The following NFKBIA variants were observed in gnomAD, a reference collection of about 807,000 sequenced individuals.
The protein encoded by NFKBIA is NF-kappa-B inhibitor alpha.
Under a neutral mutation model 36.3 loss-of-function variants are expected in NFKBIA, and 10 were observed. The observed-to-expected ratio is 0.28, with a 90% CI of 0.17 to 0.47. The LOEUF (loss-of-function observed/expected upper bound fraction) is 0.47, where lower values mean the gene tolerates loss of function less well. NFKBIA is among the 20% of genes least tolerant of loss of function. The probability of loss-of-function intolerance (pLI) is 0.99; values close to 1 mark genes in which losing one functional copy is unlikely to be tolerated. For synonymous variants in NFKBIA, 205 were observed against 164.4 expected (o/e 1.25, Z -1.89); for missense variants, 355 against 399.3 (o/e 0.89, Z 0.94).
intron 2 of NFKBIA, 102 bp downstream of exon 2, chr14:35,403,588 A>C: frequency 1.1e-6 from 1 of 892,298 alleles, no homozygotes; most frequent in Non-Finnish European, 1.8e-6. Flanking sequence ...GTGAGGGTAA[A>C]TAGTGCTCAG....
chr14:35,402,953 A>T, intron 3 of NFKBIA, 94 bp from the exon 4 acceptor site: 1 of 1,366,080 alleles, frequency 7.3e-7, no homozygotes, highest in Admixed American at 1.9e-5. Flanking sequence ...TATCTTCTGA[A>T]TTTTAAGAAC....
In NFKBIA at chr14:35,401,983, C is replaced by CAA; in HGVS notation, c.*28_*29dup. 1.9e-6 allele frequency: 3 copies of CAA among 1,611,044 alleles called. No homozygotes were observed. Among genetic ancestry groups the CAA allele is most frequent in the African/African-American group, 1.3e-5 (1 of 74,770 alleles). ...AAAACTTTTTTTTTGTACAAATATA[C>CAA]AAGTCCATGTTCTTTCAGCCCCTTT... On this transcript the variant is annotated 3_prime_UTR_variant, in exon 6 of 6. Coordinates refer to ENST00000216797, the MANE Select transcript of NFKBIA (RefSeq NM_020529.3).
Position 35,403,932 on chromosome 14 carries a change from T to C in NFKBIA, c.228-134A>G, listed in dbSNP as rs1019586508. 6 of 717,364 alleles carry C rather than the reference T, an allele frequency of 8.4e-6. No homozygotes were observed. The African/African-American group carries it at 8.7e-5, about 10-fold the overall frequency. 44.4% of individuals were successfully genotyped at this position (717,364 alleles called of 1,614,324 possible). A position where few individuals can be genotyped will look rare whatever the true frequency, so the allele number is the denominator to read the frequency against. ...GGCCGCGGTGTTTTCCGCGAGGTTA[T>C]TATGAGCTGAGTGTTCCTGGCAGGC... On this transcript the variant is annotated intron_variant, in intron 1 of 5. Transcript: ENST00000216797.
rs376391850 is a variant in NFKBIA, at chr14:35,402,086, G to A, written c.907-26C>T. The A allele has an allele frequency of 1.4e-4, 223 of 1,613,964 alleles. No homozygotes were observed. The African/African-American group carries it at 2.2e-3, about 16-fold the overall frequency. ...CTGAAAACAAGGGGAAAAAAGACACGTTAAGCTTCCGGAGCGGAGCTCTGC... is the reference window on the plus strand; with the variant it reads ...CTGAAAACAAGGGGAAAAAAGACACATTAAGCTTCCGGAGCGGAGCTCTGC... On this transcript the variant is annotated intron_variant, in intron 5 of 5. Coordinates refer to ENST00000216797, the MANE Select transcript of NFKBIA (RefSeq NM_020529.3).
chr14:35,403,190 G>C lies in NFKBIA; in HGVS notation c.507C>G (p.Thr169=), dbSNP rs1306738260. 1.2e-6 allele frequency: 2 copies of C among 1,612,322 alleles called. No homozygotes were observed. The highest frequency in any genetic ancestry group is 2.2e-5 in the South Asian group (2 of 91,000). ...SVGVLTQSCT[T]PHLHSILKAT... is the part of the protein sequence containing the mutation. Reference sequence around the variant, plus strand: ...CCTTCAGGATGGAGTGGAGGTGCGGGGTGGTGCAGGACTGAGTCAGGACTC... The same window carrying C: ...CCTTCAGGATGGAGTGGAGGTGCGGCGTGGTGCAGGACTGAGTCAGGACTC... Residue 169 remains threonine, a synonymous_variant, in exon 3 of 6, where the codon ACC becomes ACG. Coordinates refer to ENST00000216797, the MANE Select transcript of NFKBIA (RefSeq NM_020529.3).
Position 35,401,932 on chromosome 14 carries a change from C to T in NFKBIA, c.*81G>A, listed in dbSNP as rs112369437. 4 of 1,294,522 alleles carry T rather than the reference C, an allele frequency of 3.1e-6. No homozygotes were observed. The highest frequency in any genetic ancestry group is 1.5e-5 in the African/African-American group (1 of 66,998). The allele number at this position is 1,294,522 out of a possible 1,614,324, so 80.2% of individuals were successfully genotyped here. A position where few individuals can be genotyped will look rare whatever the true frequency, so the allele number is the denominator to read the frequency against. ...TATAAGTACACCCTTTAAATTTTTT[C>T]TTCTTTTTTCTTTTTTTAGAAAAAT... On this transcript the variant is annotated 3_prime_UTR_variant, in exon 6 of 6. Transcript: ENST00000216797.
rs756930611 is a variant in NFKBIA at position 35,403,363 on chromosome 14, A to G, written c.337-3T>C. ...ATCACAGCCAAGTGGAGTGGAGTCT[A>G]CGAATGCAAGAGAGACCAGAGAAAG... is the stretch of plus-strand genomic sequence containing the variant. On this transcript the variant is annotated splice_polypyrimidine_tract_variant and splice_region_variant and intron_variant, in intron 2 of 5. Coordinates refer to ENST00000216797, the MANE Select transcript of NFKBIA (RefSeq NM_020529.3). The G allele has an allele frequency of 4.2e-5, 68 of 1,613,804 alleles. No individual in the cohort carries two copies. Among genetic ancestry groups the G allele is most frequent in the Admixed American group, 6.7e-5 (4 of 60,006 alleles).
intron 1 of NFKBIA, chr14:35,404,144 C>T: frequency 5.3e-6 from 2 of 376,376 alleles, no homozygotes; most frequent in South Asian, 2.6e-5. Context: ...CGCCCCGCCC[C>T]CGGCCTAGAG....
chr14:35,403,913 G>C, intron 1 of NFKBIA, 115 bp from the exon 2 acceptor site: 1 of 762,962 alleles, frequency 1.3e-6, no homozygotes, highest in African/African-American at 1.7e-5. Flanking sequence ...CCGAGGCCGC[G>C]GTGTTTTCCG....
At chr14:35,402,191 A>C in intron 5 of NFKBIA, 131 bp from the exon 6 acceptor site, 1 of 1,126,242 alleles carries the variant, frequency 8.9e-7, no homozygotes, top group South Asian at 1.3e-5. Context: ...AATGAACTTT[A>C]CAGGCTGAGA....
In NFKBIA at chr14:35,404,747, T is replaced by C. The variant is rs1257519214; in HGVS notation, c.-103A>G. The C allele has an allele frequency of 1.4e-6, 1 of 721,000 alleles. No homozygotes were observed. Among genetic ancestry groups the C allele is most frequent in the East Asian group, 3.5e-5 (1 of 28,694 alleles). The allele number at this position is 721,000 out of a possible 1,614,324, so 44.7% of individuals were successfully genotyped here. On this transcript the variant is annotated 5_prime_UTR_variant, in exon 1 of 6. Transcript: ENST00000216797. Reference sequence around the variant, plus strand: ...CGGGCGGGACGGCGGCACGGACTGCTGTGGGCTCTGCAGCGCCGCCGCGGC... The same window carrying C: ...CGGGCGGGACGGCGGCACGGACTGCCGTGGGCTCTGCAGCGCCGCCGCGGC...
Position 35,403,722 on chromosome 14 carries a change from C to T in NFKBIA, c.304G>A (p.Ala102Thr). 2 of 1,613,914 alleles carry T rather than the reference C, an allele frequency of 1.2e-6. No homozygotes were observed. Among genetic ancestry groups the T allele is most frequent in the Non-Finnish European group, 1.7e-6 (2 of 1,179,904 alleles). The change falls in exon 2 of 6, where the codon GCC becomes ACC. Residue 102 changes from alanine to threonine, a missense_variant. Ala to Thr is a moderately conservative substitution (Grantham distance 58). Coordinates refer to ENST00000216797, the MANE Select transcript of NFKBIA (RefSeq NM_020529.3). ...EVIRQVKGDL[A>T]FLNFQNNLQQ... is the part of the protein sequence containing the mutation. ...AGGTTGTTCTGGAAGTTGAGGAAGGCCAGGTCTCCCTTCACCTGGCGGATC... is the reference window on the plus strand; with the variant it reads ...AGGTTGTTCTGGAAGTTGAGGAAGGTCAGGTCTCCCTTCACCTGGCGGATC...
In NFKBIA at chr14:35,401,942, CTTTTTTT is replaced by C. The variant is rs2052730573; in HGVS notation, c.*64_*70del. On this transcript the variant is annotated 3_prime_UTR_variant, in exon 6 of 6. Transcript: ENST00000216797. ...CCCTTTAAATTTTTTCTTCTTTTTT[CTTTTTTT>C]AGAAAAATAAAACTTTTTTTTTGTA... The C allele has an allele frequency of 1.3e-6, 2 of 1,572,636 alleles. No individual in the cohort carries two copies. Among genetic ancestry groups the C allele is most frequent in the Non-Finnish European group, 1.7e-6 (2 of 1,146,346 alleles).
In NFKBIA at chr14:35,402,840, T is replaced by C; in HGVS notation, c.567A>G (p.Leu189=). The change falls in exon 4 of 6, where the codon TTA becomes TTG. Residue 189 remains leucine, a synonymous_variant. Coordinates refer to ENST00000216797, the MANE Select transcript of NFKBIA (RefSeq NM_020529.3). ...TNYNGHTCLH[L]ASIHGYLGIV... Reference sequence around the variant, plus strand: ...TGCCCAGGTAGCCATGGATAGAGGCTAAGTGTAGACACGTGTGGCCTGGAA... The same window carrying C: ...TGCCCAGGTAGCCATGGATAGAGGCCAAGTGTAGACACGTGTGGCCTGGAA... 3 of 1,614,186 alleles carry C rather than the reference T, an allele frequency of 1.9e-6. No homozygotes were observed. The highest frequency in any genetic ancestry group is 2.2e-5 in the South Asian group (2 of 91,082).
At chr14:35,403,595 T>G (rs1203078205) in intron 2 of NFKBIA, 95 bp downstream of exon 2, 1 of 914,620 alleles carries the variant, frequency 1.1e-6, no homozygotes, top group Non-Finnish European at 1.8e-6. Context: ...TAAATAGTGC[T>G]CAGTGGCCCT....
At chr14:35,402,744 A>G (rs905172496) in intron 4 of NFKBIA, 27 bp downstream of exon 4, 1 of 1,613,874 alleles carries the variant, frequency 6.2e-7, no homozygotes. Flanking sequence ...AGCCTGACTC[A>G]GTGCGTCGGG....
chr14:35,404,042 C>T, intron 1 of NFKBIA: 1 of 541,834 alleles, frequency 1.8e-6, no homozygotes, highest in Non-Finnish European at 3.3e-6. Context: ...CTCGGAACGC[C>T]CTGTACTTCC....
Position 35,403,777 on chromosome 14 carries a change from G to A in NFKBIA, c.249C>T (p.Ile83=). Residue 83 remains isoleucine, a synonymous_variant, in exon 2 of 6, where the codon ATC becomes ATT. Coordinates refer to ENST00000216797, the MANE Select transcript of NFKBIA (RefSeq NM_020529.3). ...CCATGGTCAGTGCCTTTTCTTCATG[G>A]ATGATGGCCAAGTGCAGGAACCTGT... ...DGDSFLHLAI[I]HEEKALTMEV... is the part of the protein sequence containing the mutation. 6.2e-7 allele frequency: 1 copy of A among 1,613,802 alleles called. No individual in the cohort carries two copies. The highest frequency in any genetic ancestry group is 8.5e-7 in the Non-Finnish European group (1 of 1,179,856).
At chr14:35,404,006 G>T (rs1429244012) in intron 1 of NFKBIA, 2 of 589,308 alleles carry the variant, frequency 3.4e-6, no homozygotes, top group Non-Finnish European at 6.1e-6. Context: ...GCGGGCGCCG[G>T]CCAGACCGCC....
Sources: allele counts gnomAD v4.1 joint callset, GRCh38; gene constraint gnomAD v4.1.1; transcripts MANE v1.5; gene names NCBI Gene and HGNC (gene_info 2026-07-23, HGNC 2026-07-21).